The following MSRA variants were observed in gnomAD, a reference collection of about 807,000 sequenced individuals.
MSRA encodes mitochondrial peptide methionine sulfoxide reductase.
A neutral mutation model predicts 31.3 loss-of-function variants in MSRA; 54 were observed. The observed-to-expected ratio is 1.73, with a 90% CI of 1.39 to 2.17. The LOEUF (loss-of-function observed/expected upper bound fraction) is 2.17. MSRA is among the 30% of genes most tolerant of loss of function. The pLI, the probability that MSRA is intolerant of heterozygous loss-of-function variation, is 0.00. For missense variants in MSRA, 507 were observed against 300.9 expected, an observed-to-expected ratio of 1.69 and a Z score of -5.07; for synonymous variants, 169 against 116.5, an observed-to-expected ratio of 1.45 and a Z score of -2.90.
At chr8:10,238,057 A>G (rs541784462) in intron 2 of MSRA, among the ~76,000 whole-genome samples, 9 of 152,272 alleles carry the variant, frequency 5.9e-5, no homozygotes, top group African/African-American at 1.9e-4. Flanking sequence ...CCATCCCACA[A>G]GGTCCTACAC....
At chr8:10,186,922 T>G (rs947635343) in intron 1 of MSRA, among the ~76,000 whole-genome samples, 1 of 152,236 alleles carries the variant, frequency 6.6e-6, no homozygotes, top group Non-Finnish European at 1.5e-5. Flanking sequence ...TAGATCTTTT[T>G]GTGTGAGCTG....
chr8:10,183,892 TTGG>T (rs1381850961), intron 1 of MSRA, among the ~76,000 whole-genome samples: 1 of 120,714 alleles, frequency 8.3e-6, no homozygotes. Context: ...ATAGGTGGTG[TTGG>T]TGGTGGTAGT....
intron 2 of MSRA, among the ~76,000 whole-genome samples, chr8:10,209,930 T>G (rs1809325580): frequency 6.6e-6 from 1 of 152,226 alleles, no homozygotes; most frequent in African/African-American, 2.4e-5. Flanking sequence ...AATTCTTACT[T>G]TAGAAGTGCA....
At chr8:10,263,962 A>G (rs1265646770) in intron 3 of MSRA, among the ~76,000 whole-genome samples, 1 of 152,214 alleles carries the variant, frequency 6.6e-6, no homozygotes, top group Non-Finnish European at 1.5e-5. Context: ...CAAGTAAATA[A>G]TGATGTGACC....
intron 1 of MSRA, among the ~76,000 whole-genome samples, chr8:10,094,578 C>G (rs973670483): frequency 6.6e-6 from 1 of 152,304 alleles, no homozygotes; most frequent in South Asian, 2.1e-4. Flanking sequence ...CTTGAGTTAT[C>G]TAAATTAGAA....
chr8:10,222,743 A>C (rs1370541324), intron 2 of MSRA, among the ~76,000 whole-genome samples: 1 of 152,238 alleles, frequency 6.6e-6, no homozygotes, highest in Non-Finnish European at 1.5e-5. Context: ...GCATAGAAAA[A>C]CAAATAGTGC....
chr8:10,096,526 G>C (rs890329251), intron 1 of MSRA, among the ~76,000 whole-genome samples: 2 of 152,184 alleles, frequency 1.3e-5, no homozygotes, highest in African/African-American at 4.8e-5. Context: ...AAGAAGTGGT[G>C]AGCTGTGTTT....
chr8:10,091,214 C>T (rs1205999027), intron 1 of MSRA, among the ~76,000 whole-genome samples: 4 of 152,064 alleles, frequency 2.6e-5, no homozygotes, highest in South Asian at 2.1e-4. Flanking sequence ...CATCTATATT[C>T]GTAACGATAT....
At chr8:10,327,972 C>T (rs1585483959) in intron 5 of MSRA, among the ~76,000 whole-genome samples, 1 of 149,914 alleles carries the variant, frequency 6.7e-6, no homozygotes, top group Admixed American at 6.6e-5. Context: ...CCTGCGCTAC[C>T]AATGCAGTCA....
At chr8:10,407,973 AAAG>A (rs1807922545) in intron 5 of MSRA, among the ~76,000 whole-genome samples, 1 of 152,230 alleles carries the variant, frequency 6.6e-6, no homozygotes, top group South Asian at 2.1e-4. Flanking sequence ...ATAGGATTGC[AAAG>A]AAGAACCAAT....
At chr8:10,125,791 C>T (rs1022819057) in intron 1 of MSRA, among the ~76,000 whole-genome samples, 1 of 152,218 alleles carries the variant, frequency 6.6e-6, no homozygotes, top group Non-Finnish European at 1.5e-5. Flanking sequence ...CCATTGCTAT[C>T]ATTTGTTGAT....
intron 1 of MSRA, among the ~76,000 whole-genome samples, chr8:10,199,411 C>T (rs914105271): frequency 1.3e-5 from 2 of 152,180 alleles, no homozygotes; most frequent in Admixed American, 1.3e-4. Context: ...CCTGCACCTC[C>T]CGGGTTCAAG....
chr8:10,350,452 A>G (rs1201036051), intron 5 of MSRA, among the ~76,000 whole-genome samples: 1 of 152,180 alleles, frequency 6.6e-6, no homozygotes, highest in African/African-American at 2.4e-5. Context: ...TAGATCTGAC[A>G]CTGTGGATGA....
chr8:10,336,213 A>C (rs1004333646), intron 5 of MSRA, among the ~76,000 whole-genome samples: 1 of 152,198 alleles, frequency 6.6e-6, no homozygotes, highest in Non-Finnish European at 1.5e-5. Context: ...ACATTTGCAA[A>C]CACAAAATCT....
chr8:10,250,419 A>G (rs1309468059), intron 3 of MSRA: 2 of 702,264 alleles, frequency 2.8e-6, no homozygotes, highest in South Asian at 1.5e-5. Flanking sequence ...TATTTTGCTT[A>G]CAGATGTTCA....
At chr8:10,073,187 A>G (rs1279131702) in intron 1 of MSRA, among the ~76,000 whole-genome samples, 1 of 152,128 alleles carries the variant, frequency 6.6e-6, no homozygotes, top group East Asian at 1.9e-4. Flanking sequence ...CTTACTTTGT[A>G]TCTATCTTAG....
chr8:10,199,460 C>G (rs1261593131), intron 1 of MSRA, among the ~76,000 whole-genome samples: 1 of 152,134 alleles, frequency 6.6e-6, no homozygotes, highest in Non-Finnish European at 1.5e-5. Context: ...GCTGGGACTA[C>G]AAATGCGCGC....
At chr8:10,203,675 T>C (rs976537385) in intron 1 of MSRA, among the ~76,000 whole-genome samples, 3 of 152,276 alleles carry the variant, frequency 2.0e-5, no homozygotes, top group African/African-American at 7.2e-5. Flanking sequence ...ATGATGTTAC[T>C]GGCTTATGTA....
intron 1 of MSRA, among the ~76,000 whole-genome samples, chr8:10,097,506 T>G (rs1234838355): frequency 7.9e-5 from 12 of 152,162 alleles, no homozygotes; most frequent in Admixed American, 7.9e-4. Context: ...AAAAGAAAGT[T>G]CAGCAAACAA....
Sources: gnomAD v4.1 joint callset for allele counts (sites outside exome capture counted in the v4.1 genomes callset) on GRCh38, gnomAD v4.1.1 for gene constraint, MANE v1.5 for transcripts, NCBI Gene and HGNC (gene_info 2026-07-23, HGNC 2026-07-21) for gene names.